The following ENOSF1 variants were observed in gnomAD, a reference collection of about 807,000 sequenced individuals.
ENOSF1 encodes mitochondrial enolase superfamily member 1.
In ENOSF1, 73 loss-of-function variants were observed where a neutral mutation model predicts 68.2. That is an observed-to-expected ratio of 1.07 (90% CI 0.89 to 1.30). ENOSF1 has a LOEUF of 1.30. ENOSF1 is among the 50% of genes most tolerant of loss of function. ENOSF1 has a pLI of 0.00. For missense variants in ENOSF1, 589 were observed against 554.5 expected (o/e 1.06, Z -0.62); for synonymous variants, 223 against 210.4 (o/e 1.06, Z -0.52).
rs1278886963 is a variant in ENOSF1 at position 691,184 on chromosome 18, C to T, written c.496+20G>A. On this transcript the variant is annotated intron_variant, in intron 6 of 15. Coordinates refer to ENST00000647584, the MANE Select transcript of ENOSF1 (RefSeq NM_017512.7). ...TACTGTGTGTGCACGTCGTGTATCC[C>T]AGAAAGCTTCCAAACTCACCTAGGG... 1.9e-6 allele frequency: 3 copies of T among 1,613,990 alleles called. No individual in the cohort carries two copies. The highest frequency in any genetic ancestry group is 1.7e-5 in the Admixed American group (1 of 60,028).
chr18:678,555 C>A, intron 12 of ENOSF1, 141 bp downstream of exon 12: 2 of 805,264 alleles, frequency 2.5e-6, no homozygotes, highest in Non-Finnish European at 4.2e-6. Context: ...GATAAAATGA[C>A]CCAGTTTCTA....
At chr18:667,487 TGATGGTGATGGA>T (rs2074874644), downstream of ENOSF1, among the ~76,000 whole-genome samples, 5 of 28,992 alleles carry the variant, frequency 1.7e-4, 1 homozygote, top group African/African-American at 5.8e-4. Flanking sequence ...ATGGTGATGG[TGATGGTGATGGA>T]GATGGTGATG....
chr18:676,718 C>T (rs1050092695), intron 14 of ENOSF1, among the ~76,000 whole-genome samples: 1 of 152,164 alleles, frequency 6.6e-6, no homozygotes, highest in African/African-American at 2.4e-5. Context: ...TCACTACCCC[C>T]CTGAAGAGAA....
intron 5 of ENOSF1, chr18:692,780 G>T (rs1228181208): frequency 1.4e-5 from 14 of 1,004,258 alleles, no homozygotes; most frequent in Non-Finnish European, 1.4e-5. Context: ...CTTGAATCTA[G>T]AAGGGGGCTC....
rs770066255 is a variant in ENOSF1 at position 674,294 on chromosome 18, G to A, written c.*11C>T. ...CACTTCAGAAAGAAAAAAGTTGTTG[G>A]GGCTGAGCACTTAATTTTCTTGAGC... is the stretch of plus-strand genomic sequence containing the variant. On this transcript the variant is annotated 3_prime_UTR_variant, in exon 16 of 16. Transcript: ENST00000647584. 6.3e-7 allele frequency: 1 copy of A among 1,586,418 alleles called. No individual in the cohort carries two copies.
chr18:686,807 C>T (rs2606258), intron 9 of ENOSF1: 30,536 of 152,242 alleles, frequency 0.2, 3,357 homozygotes, highest in Admixed American at 0.27. Context: ...GCTGAGGTCC[C>T]CCTGCTGCTT....
chr18:678,666 C>T lies in ENOSF1; in HGVS notation c.918+30G>A, dbSNP rs117333660. ...TCAGCGTGTACTGACCCCAAGGGGACGTCATCCACCTGTTGGGGGCGTCAC... is the reference window on the plus strand; with the variant it reads ...TCAGCGTGTACTGACCCCAAGGGGATGTCATCCACCTGTTGGGGGCGTCAC... On this transcript the variant is annotated intron_variant, in intron 12 of 15. Coordinates refer to ENST00000647584, the MANE Select transcript of ENOSF1 (RefSeq NM_017512.7). 486 of 1,611,390 alleles carry T rather than the reference C, an allele frequency of 3.0e-4. 3 individuals carry two copies. In the East Asian group the frequency reaches 0.01, roughly 34 times the overall value.
chr18:689,821 G>A (rs1374102110), intron 8 of ENOSF1, among the ~76,000 whole-genome samples: 1 of 152,188 alleles, frequency 6.6e-6, no homozygotes, highest in Non-Finnish European at 1.5e-5. Context: ...TTCAGGACGG[G>A]GCTGGGGACC....
At chr18:683,783 ATTGT>A (rs926181647) in intron 10 of ENOSF1, among the ~76,000 whole-genome samples, 14 of 151,802 alleles carry the variant, frequency 9.2e-5, no homozygotes, top group Non-Finnish European at 1.8e-4. Flanking sequence ...CACAATCAAC[ATTGT>A]TTGTTCAATA....
the ENOSF1 span, among the ~76,000 whole-genome samples, chr18:664,831 T>C: frequency 0.5 from 62,410 of 124,632 alleles, 17,523 homozygotes; most frequent in African/African-American, 0.74. Context: ...TATTGATTTG[T>C]GTATATTGAA....
chr18:712,293 G>C, intron 1 of ENOSF1: 1 of 1,521,892 alleles, frequency 6.6e-7, no homozygotes, highest in South Asian at 1.2e-5. Context: ...AAGTCGGGAA[G>C]CTGCCCGGGG....
At chr18:710,894 T>C (rs1463739220) in intron 1 of ENOSF1, among the ~76,000 whole-genome samples, 5 of 152,228 alleles carry the variant, frequency 3.3e-5, no homozygotes, top group Admixed American at 3.3e-4. Flanking sequence ...CCAACATTTA[T>C]TTTGAGTTCC....
intron 8 of ENOSF1, 86 bp from the exon 9 acceptor site, chr18:688,694 G>T: frequency 8.2e-7 from 1 of 1,226,766 alleles, no homozygotes; most frequent in Non-Finnish European, 1.2e-6. Flanking sequence ...TGTTTCACAA[G>T]CATTACGGTT....
chr18:694,026 C>T (rs964699888), intron 4 of ENOSF1, 118 bp from the exon 5 acceptor site: 9 of 1,187,604 alleles, frequency 7.6e-6, no homozygotes, highest in South Asian at 6.9e-5. Context: ...CCCACACCCC[C>T]CTCTACTGCT....
At chr18:703,625 A>G (rs2078610436) in intron 2 of ENOSF1, among the ~76,000 whole-genome samples, 2 of 152,210 alleles carry the variant, frequency 1.3e-5, no homozygotes, top group South Asian at 2.1e-4. Flanking sequence ...GACTCACAGC[A>G]TGGTCTTTCT....
Position 670,831 on chromosome 18 carries a change from G to A in ENOSF1, c.*3474C>T, listed in dbSNP as rs1598479234. On this transcript the variant is annotated 3_prime_UTR_variant, in exon 16 of 16. Coordinates refer to ENST00000647584, the MANE Select transcript of ENOSF1 (RefSeq NM_017512.7). ...CTTTCAACATCGCCAGCTACGCCCT[G>A]CTCACGTACATGATTGCGCACATCA... The A allele has an allele frequency of 6.2e-7, 1 of 1,614,026 alleles. No homozygotes were observed. The highest frequency in any genetic ancestry group is 2.2e-5 in the East Asian group (1 of 44,882).
intron 12 of ENOSF1, 85 bp from the exon 13 acceptor site, chr18:677,957 T>C: frequency 6.8e-7 from 1 of 1,472,462 alleles, no homozygotes; most frequent in Non-Finnish European, 9.1e-7. Context: ...AGCCACTCTA[T>C]GCCAATAATT....
At chr18:687,494 GCAGGAGGCT>G (rs1322816377) in intron 9 of ENOSF1, 1 of 152,222 alleles carries the variant, frequency 6.6e-6, no homozygotes, top group East Asian at 1.9e-4. Context: ...ACACTGAGTA[GCAGGAGGCT>G]CAGAGACCAG....
At position 670,449 on chromosome 18, in the gene ENOSF1, T is replaced by C. The variant is rs1310475909; in HGVS notation, c.*3856A>G. 5 of 509,110 alleles carry C rather than the reference T, an allele frequency of 9.8e-6. No individual in the cohort carries two copies. The highest frequency in any genetic ancestry group is 3.8e-5 in the African/African-American group (2 of 51,988). 31.5% of individuals were successfully genotyped at this position (509,110 alleles called of 1,614,324 possible). A position where few individuals can be genotyped will look rare whatever the true frequency, so the allele number is the denominator to read the frequency against. On this transcript the variant is annotated 3_prime_UTR_variant, in exon 16 of 16. Coordinates refer to ENST00000647584, the MANE Select transcript of ENOSF1 (RefSeq NM_017512.7). ...GAGGTAGCCCAGATCCCTTCAGCTC[T>C]GATGGAAGAGCATTGCTTCAGCCGT...
Sources: gnomAD v4.1 joint callset for allele counts (sites outside exome capture counted in the v4.1 genomes callset) on GRCh38, gnomAD v4.1.1 for gene constraint, MANE v1.5 for transcripts, NCBI Gene and HGNC (gene_info 2026-07-23, HGNC 2026-07-21) for gene names.